REEP1: variants seen among roughly 807,000 people sequenced by gnomAD.
REEP1 encodes receptor expression-enhancing protein 1.
REEP1 carries 22 observed loss-of-function variants against 40.3 expected under a neutral mutation model. The observed-to-expected ratio is 0.55, with a 90% CI of 0.39 to 0.78. The LOEUF is 0.78. Ranked by LOEUF, REEP1 falls within the 30% of genes least tolerant of loss-of-function variation. The pLI is 0.00. For synonymous variants in REEP1, 116 were observed against 139.2 expected (o/e 0.83, Z 1.17); for missense variants, 280 against 361.1 (o/e 0.78, Z 1.82).
intron 7 of REEP1, among the ~76,000 whole-genome samples, chr2:86,220,941 T>G (rs1674389596): frequency 6.6e-6 from 1 of 152,222 alleles, no homozygotes; most frequent in Admixed American, 6.5e-5. Context: ...TTAGTTGAGA[T>G]GTAAAATATC....
rs1681109425 is a variant in REEP1 at position 86,337,536 on chromosome 2, C to T, written c.-26G>A. On this transcript the variant is annotated 5_prime_UTR_variant, in exon 1 of 9. Coordinates refer to ENST00000538924, the MANE Select transcript of REEP1 (RefSeq NM_001371279.1). This position sits in a 1 kb window ranked among gnomAD's most constrained non-coding sequence, Gnocchi z 5.8. The stretch of plus-strand genomic sequence containing the variant: ...GGCGGGCAGGCGGGCGGGCGAGGCC[C>T]GGGCGGCGCGGCTCGGCTAGGCTGC... 8.1e-7 allele frequency: 1 copy of T among 1,242,200 alleles called. No individual in the cohort carries two copies. The highest frequency in any genetic ancestry group is 1.0e-6 in the Non-Finnish European group (1 of 991,916). The allele number at this position is 1,242,200 out of a possible 1,614,324, so 76.9% of individuals were successfully genotyped here. A position where few individuals can be genotyped will look rare whatever the true frequency, so the allele number is the denominator to read the frequency against.
At chr2:86,323,849 A>G (rs1680384894) in intron 1 of REEP1, among the ~76,000 whole-genome samples, 1 of 152,200 alleles carries the variant, frequency 6.6e-6, no homozygotes, top group South Asian at 2.1e-4. Flanking sequence ...GCCCAGAAAC[A>G]GGCCTGCACA....
In REEP1 at chr2:86,236,884, G is replaced by A. The variant is rs145380197; in HGVS notation, c.418-4082C>T. 5.9e-5 allele frequency among the ~76,000 whole-genome samples: 9 copies of A among 152,138 alleles called. No individual in the cohort carries two copies. In the East Asian group the frequency reaches 9.7e-4, roughly 16 times the overall value. ...AGAGTAGCTGGGACAACAGGTGCCC[G>A]CCACCACGCCTGGCTAATTTTTTGT... is the stretch of plus-strand genomic sequence containing the variant. On this transcript the variant is annotated intron_variant, in intron 5 of 8. Transcript: ENST00000538924.
At chr2:86,249,257 C>G (rs1676139337) in intron 5 of REEP1, among the ~76,000 whole-genome samples, 1 of 132,184 alleles carries the variant, frequency 7.6e-6, no homozygotes, top group Non-Finnish European at 1.8e-5. Context: ...AAGACTACAT[C>G]TCAAAAAAAA....
intron 1 of REEP1, among the ~76,000 whole-genome samples, chr2:86,334,911 A>G (rs1680942318): frequency 6.6e-6 from 1 of 152,238 alleles, no homozygotes; most frequent in Non-Finnish European, 1.5e-5. Flanking sequence ...CAACAGCAAC[A>G]TGAGGTTAAC....
At chr2:86,250,749 T>C (rs531697666) in intron 5 of REEP1, among the ~76,000 whole-genome samples, 1 of 152,126 alleles carries the variant, frequency 6.6e-6, no homozygotes, top group Non-Finnish European at 1.5e-5. Context: ...TTGTCCAGGC[T>C]TTGTCTGCAG....
chr2:86,231,242 T>G (rs899394136), intron 6 of REEP1, among the ~76,000 whole-genome samples: 3 of 150,570 alleles, frequency 2.0e-5, no homozygotes, highest in East Asian at 1.9e-4. Flanking sequence ...TGGGGGGGGG[T>G]CCCTCGGGGG....
In REEP1 at chr2:86,232,729, G is replaced by T. The variant is rs765696419; in HGVS notation, c.491C>A (p.Ala164Asp). ...TGGTGGGGGGCCCGAGGGAGCAGGG[G>T]CGCCGTCTCCCCTGATGGTGGTGAG... The part of the protein sequence containing the change: ...QDLTTIRGDG[A>D]PAPSGPPPPG... Residue 164 changes from alanine to aspartate, a missense_variant, in exon 6 of 9, where the codon GCC becomes GAC. Ala to Asp is a moderately radical substitution (Grantham distance 126). Around this residue, in one of 3 missense-constraint regions of REEP1, gnomAD observed 201 missense variants for 238.5 expected, o/e 0.84. Transcript: ENST00000538924. 1 of 1,609,080 alleles carries T rather than the reference G, an allele frequency of 6.2e-7. No individual in the cohort carries two copies. The highest frequency in any genetic ancestry group is 8.5e-7 in the Non-Finnish European group (1 of 1,179,998).
chr2:86,256,985 C>T (rs1676598172), intron 3 of REEP1, among the ~76,000 whole-genome samples: 1 of 152,202 alleles, frequency 6.6e-6, no homozygotes, highest in South Asian at 2.1e-4. Context: ...CGCCTCCTTT[C>T]CTCACCAAGG....
chr2:86,279,244 T>C (rs1279912402), intron 2 of REEP1, among the ~76,000 whole-genome samples: 1 of 152,186 alleles, frequency 6.6e-6, no homozygotes, highest in Non-Finnish European at 1.5e-5. Context: ...GGTGTTGAGA[T>C]TACAGCGCTG....
At chr2:86,266,410 G>A (rs1231095942) in intron 2 of REEP1, among the ~76,000 whole-genome samples, 1 of 151,628 alleles carries the variant, frequency 6.6e-6, no homozygotes, top group Non-Finnish European at 1.5e-5. Context: ...ATGAGGTCAG[G>A]AGATCGAGAC....
chr2:86,258,391 C>T (rs1328485557), intron 3 of REEP1, among the ~76,000 whole-genome samples: 1 of 152,164 alleles, frequency 6.6e-6, no homozygotes, highest in Admixed American at 6.5e-5. Flanking sequence ...TGAGTAGTTG[C>T]AATAAAGATC....
intron 1 of REEP1, among the ~76,000 whole-genome samples, chr2:86,324,978 CT>C (rs1330649789): frequency 6.6e-6 from 1 of 152,240 alleles, no homozygotes; most frequent in African/African-American, 2.4e-5. Context: ...TGAGGGTTCA[CT>C]GTACTATTAT....
At chr2:86,296,358 T>C (rs1678982233) in intron 1 of REEP1, among the ~76,000 whole-genome samples, 1 of 152,228 alleles carries the variant, frequency 6.6e-6, no homozygotes, top group African/African-American at 2.4e-5. Flanking sequence ...GTTAAATAGT[T>C]GGACTAAGGT....
At chr2:86,305,996 T>C (rs1679463531) in intron 1 of REEP1, among the ~76,000 whole-genome samples, 1 of 152,342 alleles carries the variant, frequency 6.6e-6, no homozygotes, top group African/African-American at 2.4e-5. Context: ...TAAAGTCTTA[T>C]GTGGACATAT....
chr2:86,317,240 C>G (rs1343488618), intron 1 of REEP1, among the ~76,000 whole-genome samples: 4 of 151,996 alleles, frequency 2.6e-5, no homozygotes, highest in Admixed American at 2.6e-4. Flanking sequence ...TGTGTGAACT[C>G]TAATTGCATC....
chr2:86,232,882 G>T, intron 5 of REEP1, 80 bp from the exon 6 acceptor site: 1 of 1,391,336 alleles, frequency 7.2e-7, no homozygotes, highest in Non-Finnish European at 9.9e-7. Context: ...AGGGAGCTCT[G>T]ATGGTCAGCC....
intron 2 of REEP1, among the ~76,000 whole-genome samples, chr2:86,274,487 C>T (rs1553464386): frequency 6.6e-6 from 1 of 152,196 alleles, no homozygotes; most frequent in Non-Finnish European, 1.5e-5. Context: ...TTGAGGCTAA[C>T]AAGGTCAACG....
chr2:86,254,986 C>T, intron 3 of REEP1, 172 bp from the exon 4 acceptor site: 2 of 659,176 alleles, frequency 3.0e-6, no homozygotes, highest in Non-Finnish European at 5.3e-6. Flanking sequence ...CTTGCACACA[C>T]ACAGTACAAC....
Sources: allele counts gnomAD v4.1 joint callset (sites outside exome capture counted in the v4.1 genomes callset), GRCh38; gene constraint gnomAD v4.1.1; regional missense constraint gnomAD v4.1.1; non-coding constraint Gnocchi (gnomAD v3.1); transcripts MANE v1.5; gene names NCBI Gene and HGNC (gene_info 2026-07-23, HGNC 2026-07-21).